Variants in COL14A1 observed in about 807,000 individuals in gnomAD.
COL14A1 encodes collagen type XIV alpha 1 chain, also known as collagen alpha-1(XIV) chain.
A neutral mutation model predicts 230.3 loss-of-function variants in COL14A1; 136 were observed. The ratio of observed to expected loss-of-function variants is 0.59; its 90% confidence interval spans 0.51 to 0.68. The LOEUF (loss-of-function observed/expected upper bound fraction) is 0.68, where lower values mean the gene tolerates loss of function less well. Among genes scored for constraint, COL14A1 ranks in the 30% least tolerant of loss-of-function variants. COL14A1 has a pLI of 0.00. For synonymous variants in COL14A1, 792 were observed against 784.1 expected (o/e 1.01, Z -0.17); for missense variants, 1,976 against 2,215.8 (o/e 0.89, Z 2.17).
intron 41 of COL14A1, 136 bp from the exon 42 acceptor site, chr8:120,332,528 A>T: frequency 2.8e-6 from 2 of 711,168 alleles, no homozygotes. Context: ...GGAGTTGGGA[A>T]CAGGAATGAG....
intron 34 of COL14A1, among the ~76,000 whole-genome samples, chr8:120,291,173 A>G (rs1241551910): frequency 6.6e-6 from 1 of 152,162 alleles, no homozygotes; most frequent in African/African-American, 2.4e-5. Flanking sequence ...AGGAATTTAT[A>G]AAAACACAGA....
chr8:120,228,895 T>A lies in COL14A1; in HGVS notation c.2197+126T>A, dbSNP rs543301417. On this transcript the variant is annotated intron_variant, in intron 18 of 47. Transcript: ENST00000297848. Reference sequence around the variant, plus strand: ...ACCCTCCCTTCCTTTTCTGGCACACTGGTTCAAATTTCACGCCTCTCAGAG... The same window carrying A: ...ACCCTCCCTTCCTTTTCTGGCACACAGGTTCAAATTTCACGCCTCTCAGAG... 41 of 799,472 alleles carry A rather than the reference T, an allele frequency of 5.1e-5. No homozygotes were observed. In the African/African-American group the frequency reaches 6.5e-4, roughly 13 times the overall value. 49.5% of individuals were successfully genotyped at this position (799,472 alleles called of 1,614,324 possible).
chr8:120,271,011 G>A (rs913601700), intron 26 of COL14A1, among the ~76,000 whole-genome samples: 1 of 151,532 alleles, frequency 6.6e-6, no homozygotes, highest in African/African-American at 2.4e-5. Flanking sequence ...AAGAAAATGT[G>A]GTACATATAC....
At chr8:120,134,864 A>C (rs556399197) in intron 1 of COL14A1, among the ~76,000 whole-genome samples, 30 of 152,296 alleles carry the variant, frequency 2.0e-4, no homozygotes, top group Non-Finnish European at 3.7e-4. Flanking sequence ...AATCCCAGCT[A>C]TTTGGGAGGC....
rs900188328 is a variant in COL14A1 at position 120,228,905 on chromosome 8, T to A, written c.2197+136T>A. On this transcript the variant is annotated intron_variant, in intron 18 of 47. Coordinates refer to ENST00000297848, the MANE Select transcript of COL14A1 (RefSeq NM_021110.4). Reference sequence around the variant, plus strand: ...CCTTTTCTGGCACACTGGTTCAAATTTCACGCCTCTCAGAGCCTCTCAACA... The same window carrying A: ...CCTTTTCTGGCACACTGGTTCAAATATCACGCCTCTCAGAGCCTCTCAACA... 4.3e-5 allele frequency: 31 copies of A among 723,304 alleles called. No homozygotes were observed. The African/African-American group carries it at 5.0e-4, about 12-fold the overall frequency. The allele number at this position is 723,304 out of a possible 1,614,324, so 44.8% of individuals were successfully genotyped here.
chr8:120,285,182 G>A (rs1487468380), intron 32 of COL14A1, among the ~76,000 whole-genome samples: 2 of 151,392 alleles, frequency 1.3e-5, no homozygotes, highest in African/African-American at 4.9e-5. Context: ...GGCCAGGCAC[G>A]GTGGCTCACG....
At chr8:120,305,606 T>C (rs1586848154) in intron 36 of COL14A1, among the ~76,000 whole-genome samples, 1 of 152,176 alleles carries the variant, frequency 6.6e-6, no homozygotes, top group African/African-American at 2.4e-5. Flanking sequence ...CTTTCTTTCA[T>C]AGTCTAGTCC....
intron 36 of COL14A1, among the ~76,000 whole-genome samples, chr8:120,304,834 A>G (rs1397919090): frequency 6.6e-6 from 1 of 152,182 alleles, no homozygotes; most frequent in Non-Finnish European, 1.5e-5. Flanking sequence ...GCACTTAGTC[A>G]TACCTACTTA....
At chr8:120,249,169 C>T (rs951893481) in intron 21 of COL14A1, among the ~76,000 whole-genome samples, 4 of 150,770 alleles carry the variant, frequency 2.7e-5, no homozygotes, top group African/African-American at 9.8e-5. Flanking sequence ...CCACCCGCCT[C>T]GGCCTCCCAA....
At chr8:120,306,580 T>C (rs1820864930) in intron 36 of COL14A1, among the ~76,000 whole-genome samples, 1 of 152,222 alleles carries the variant, frequency 6.6e-6, no homozygotes, top group Admixed American at 6.5e-5. Flanking sequence ...CTAAAGGATC[T>C]GTAGGAAGGC....
intron 42 of COL14A1, among the ~76,000 whole-genome samples, chr8:120,337,401 TAA>T (rs60418574): frequency 0.48 from 62,318 of 129,496 alleles, 14,120 homozygotes; most frequent in African/African-American, 0.56. Flanking sequence ...GTCTCAAAAT[TAA>T]AAAAAAAAAA....
chr8:120,368,508 C>G (rs1453611891), intron 46 of COL14A1, among the ~76,000 whole-genome samples: 2 of 151,232 alleles, frequency 1.3e-5, no homozygotes, highest in East Asian at 3.9e-4. Context: ...ATACTTGTTC[C>G]TACTTTTCAT....
At chr8:120,179,683 A>G (rs914791451) in intron 5 of COL14A1, among the ~76,000 whole-genome samples, 10 of 152,128 alleles carry the variant, frequency 6.6e-5, no homozygotes, top group African/African-American at 2.2e-4. Context: ...CTACTTCACC[A>G]TATTAGAAAA....
intron 36 of COL14A1, among the ~76,000 whole-genome samples, chr8:120,307,544 C>A (rs12678374): frequency 0.47 from 71,505 of 151,984 alleles, 17,248 homozygotes; most frequent in African/African-American, 0.59. Context: ...TTTATGACTT[C>A]ATATGAAGAA....
intron 19 of COL14A1, 90 bp downstream of exon 19, chr8:120,231,708 G>C (rs961345591): frequency 7.5e-7 from 1 of 1,334,678 alleles, no homozygotes; most frequent in Admixed American, 2.5e-5. Flanking sequence ...AAACTTTACT[G>C]CTCTTTTCTC....
intron 26 of COL14A1, among the ~76,000 whole-genome samples, chr8:120,276,784 T>A (rs939949066): frequency 1.3e-5 from 2 of 151,544 alleles, no homozygotes; most frequent in Non-Finnish European, 2.9e-5. Flanking sequence ...TGTATACATA[T>A]GTAACAAACC....
At chr8:120,212,835 G>A (rs1164353507) in intron 13 of COL14A1, among the ~76,000 whole-genome samples, 1 of 152,074 alleles carries the variant, frequency 6.6e-6, no homozygotes, top group South Asian at 2.1e-4. Context: ...TCAAATGCAG[G>A]TCAGAATCTA....
intron 32 of COL14A1, 72 bp downstream of exon 32, chr8:120,283,850 G>A: frequency 7.5e-7 from 1 of 1,327,036 alleles, no homozygotes; most frequent in South Asian, 1.4e-5. Flanking sequence ...CATTTTGCCT[G>A]TTTGTGTATA....
intron 11 of COL14A1, among the ~76,000 whole-genome samples, chr8:120,208,674 G>A (rs1006462888): frequency 6.6e-6 from 1 of 152,082 alleles, no homozygotes; most frequent in African/African-American, 2.4e-5. Flanking sequence ...ACTAAGAATT[G>A]TCCTTGAATT....
Sources: gnomAD v4.1 joint callset for allele counts (sites outside exome capture counted in the v4.1 genomes callset) on GRCh38, gnomAD v4.1.1 for gene constraint, MANE v1.5 for transcripts, NCBI Gene and HGNC (gene_info 2026-07-23, HGNC 2026-07-21) for gene names.